PRELID2: variants seen among roughly 807,000 people sequenced by gnomAD.
The protein encoded by PRELID2 is PRELI domain-containing protein 2.
PRELID2 carries 25 observed loss-of-function variants against 28.4 expected under a neutral mutation model. That is an observed-to-expected ratio of 0.88 (90% CI 0.64 to 1.23). The LOEUF is 1.23. Among genes scored for constraint, PRELID2 ranks in the 50% most tolerant of loss-of-function variants. The pLI is 0.00. For missense variants in PRELID2, 201 were observed against 214.4 expected (o/e 0.94, Z 0.39); for synonymous variants, 76 against 71.6 (o/e 1.06, Z -0.31).
intron 1 of PRELID2, among the ~76,000 whole-genome samples, chr5:145,511,583 G>T (rs151189453): frequency 2.0e-5 from 3 of 152,166 alleles, no homozygotes; most frequent in Non-Finnish European, 4.4e-5. Context: ...CATTCATTTC[G>T]TGGTTCAAAA....
At chr5:145,815,809 T>C (rs1172867123) in intron 4 of PRELID2, among the ~76,000 whole-genome samples, 3 of 152,250 alleles carry the variant, frequency 2.0e-5, no homozygotes, top group African/African-American at 4.8e-5. Flanking sequence ...TATTTATCAG[T>C]TGATGGACAT....
chr5:145,819,473 T>C lies in PRELID2; in HGVS notation c.207+472A>G, dbSNP rs1442316977. On this transcript the variant is annotated intron_variant, in intron 3 of 6. Transcript: ENST00000683046. ...GATTTCATCATCAATGATATTACTT[T>C]AGAGAAATACACATAAAGACTTACA... is the stretch of plus-strand genomic sequence containing the variant. The C allele has an allele frequency of 4.5e-6, 5 of 1,115,086 alleles. No homozygotes were observed. The Admixed American group carries it at 5.5e-5, about 12-fold the overall frequency. 69.1% of individuals were successfully genotyped at this position (1,115,086 alleles called of 1,614,324 possible).
intron 1 of PRELID2, among the ~76,000 whole-genome samples, chr5:145,522,702 C>T (rs935495282): frequency 6.6e-6 from 1 of 151,712 alleles, no homozygotes; most frequent in Non-Finnish European, 1.5e-5. Flanking sequence ...CACGACATTG[C>T]TGGGGAAGAT....
chr5:145,477,248 A>G (rs1011037525), intron 1 of PRELID2, among the ~76,000 whole-genome samples: 1 of 152,154 alleles, frequency 6.6e-6, no homozygotes, highest in Non-Finnish European at 1.5e-5. Context: ...GGAGCACAAA[A>G]GGCTTTTTCT....
intron 1 of PRELID2, among the ~76,000 whole-genome samples, chr5:145,494,486 T>A (rs1278659729): frequency 6.6e-6 from 1 of 152,206 alleles, no homozygotes; most frequent in Non-Finnish European, 1.5e-5. Flanking sequence ...GTAGCTTAAA[T>A]GAAAAGCCAT....
chr5:145,788,583 A>G (rs1752156016), intron 5 of PRELID2, among the ~76,000 whole-genome samples: 1 of 152,202 alleles, frequency 6.6e-6, no homozygotes, highest in Non-Finnish European at 1.5e-5. Context: ...GCTGTCATGC[A>G]CACAGATAGA....
At chr5:145,739,405 T>A (rs1756586847) in intron 1 of PRELID2, among the ~76,000 whole-genome samples, 1 of 151,880 alleles carries the variant, frequency 6.6e-6, no homozygotes, top group Admixed American at 6.6e-5. Flanking sequence ...CTCGGGAGGG[T>A]AAGGCAGGAG....
rs1754103922 is a variant in PRELID2 at position 145,641,385 on chromosome 5, G to T, written n.70+123546C>A. Among the ~76,000 whole-genome samples, 5 of 152,182 alleles carry T rather than the reference G, an allele frequency of 3.3e-5. No individual in the cohort carries two copies. The South Asian group carries it at 1.0e-3, about 32-fold the overall frequency. ...TGGCCATTAATACCATAAAGAGATG[G>T]TAAACTTTGTTAAGATATCAGAAAC... On this transcript the variant is annotated intron_variant and non_coding_transcript_variant, in intron 1 of 2. Coordinates refer to the PRELID2 transcript ENST00000510259.
chr5:145,400,009 A>G, the PRELID2 span, among the ~76,000 whole-genome samples: 8 of 152,264 alleles, frequency 5.3e-5, no homozygotes, highest in South Asian at 1.7e-3. Context: ...ATGGGGACAC[A>G]GCCAAACCAT....
chr5:145,482,704 A>G (rs1752173010), intron 1 of PRELID2, among the ~76,000 whole-genome samples: 1 of 151,892 alleles, frequency 6.6e-6, no homozygotes, highest in Non-Finnish European at 1.5e-5. Flanking sequence ...CTATTATGAA[A>G]TAATTATACA....
the PRELID2 span, among the ~76,000 whole-genome samples, chr5:145,412,007 G>C: frequency 1.4e-4 from 21 of 152,290 alleles, no homozygotes; most frequent in African/African-American, 5.1e-4. Flanking sequence ...TCCTGAGGCT[G>C]CACACAGCAG....
intron 5 of PRELID2, among the ~76,000 whole-genome samples, chr5:145,789,493 A>G (rs1752226407): frequency 6.6e-6 from 1 of 152,242 alleles, no homozygotes; most frequent in Non-Finnish European, 1.5e-5. Context: ...TACAAAAATC[A>G]ACTCAAAATG....
the PRELID2 span, among the ~76,000 whole-genome samples, chr5:145,298,756 G>A: frequency 6.6e-6 from 1 of 151,996 alleles, no homozygotes; most frequent in East Asian, 1.9e-4. Context: ...TAACCAATCT[G>A]TGGCATGCTA....
chr5:145,235,493 T>G, the PRELID2 span, among the ~76,000 whole-genome samples: 1 of 152,158 alleles, frequency 6.6e-6, no homozygotes, highest in Non-Finnish European at 1.5e-5. Flanking sequence ...GAGAATTGGG[T>G]GCTTTCCTTG....
chr5:145,372,389 T>C, the PRELID2 span, among the ~76,000 whole-genome samples: 1 of 151,914 alleles, frequency 6.6e-6, no homozygotes, highest in African/African-American at 2.4e-5. Context: ...TTAGAATAAG[T>C]GCCATGTGGC....
the PRELID2 span, among the ~76,000 whole-genome samples, chr5:145,338,903 A>G: frequency 6.6e-6 from 1 of 152,246 alleles, no homozygotes; most frequent in Admixed American, 6.5e-5. Flanking sequence ...GGTGATGTAA[A>G]TAATCAACTA....
the PRELID2 span, among the ~76,000 whole-genome samples, chr5:145,397,453 G>C: frequency 1.3e-5 from 2 of 152,088 alleles, no homozygotes; most frequent in African/African-American, 4.8e-5. Flanking sequence ...CATGTGTCTA[G>C]GTAGGGGGAA....
chr5:145,688,094 T>G (rs1755071272), intron 1 of PRELID2, among the ~76,000 whole-genome samples: 1 of 152,210 alleles, frequency 6.6e-6, no homozygotes, highest in African/African-American at 2.4e-5. Context: ...CATTTTCTTC[T>G]GCCACTTGTC....
chr5:145,248,504 A>G, the PRELID2 span, among the ~76,000 whole-genome samples: 17 of 152,218 alleles, frequency 1.1e-4, no homozygotes, highest in African/African-American at 3.9e-4. Flanking sequence ...TTGTAAAATC[A>G]TATAAGTTGG....
Sources: allele counts gnomAD v4.1 joint callset (sites outside exome capture counted in the v4.1 genomes callset), GRCh38; gene constraint gnomAD v4.1.1; transcripts MANE v1.5; gene names NCBI Gene and HGNC (gene_info 2026-07-23, HGNC 2026-07-21).